FOXN3: variants seen among roughly 807,000 people sequenced by gnomAD.
FOXN3 encodes forkhead box N3.
A neutral mutation model predicts 38.4 loss-of-function variants in FOXN3; 7 were observed. The observed-to-expected ratio is 0.18, with a 90% CI of 0.10 to 0.34. The LOEUF is 0.34. FOXN3 is among the 10% of genes least tolerant of loss of function. The pLI is 1.00. For missense variants in FOXN3, 456 were observed against 613.4 expected, an observed-to-expected ratio of 0.74 and a Z score of 2.71; for synonymous variants, 230 against 242.2, an observed-to-expected ratio of 0.95 and a Z score of 0.47.
chr14:89,283,794 T>C (rs1886533067), intron 3 of FOXN3, among the ~76,000 whole-genome samples: 1 of 152,206 alleles, frequency 6.6e-6, no homozygotes, highest in Non-Finnish European at 1.5e-5. Flanking sequence ...TTACTGAGCA[T>C]AGTAATCAAC....
chr14:89,497,788 T>C (rs1475154234), intron 1 of FOXN3, among the ~76,000 whole-genome samples: 1 of 152,202 alleles, frequency 6.6e-6, no homozygotes, highest in East Asian at 1.9e-4. Context: ...ATGGTAATTT[T>C]ATATTAATTT....
At chr14:89,458,973 A>C (rs1223285478) in intron 1 of FOXN3, among the ~76,000 whole-genome samples, 1 of 152,238 alleles carries the variant, frequency 6.6e-6, no homozygotes, top group Non-Finnish European at 1.5e-5. Flanking sequence ...AACAGACTAG[A>C]AAAAGTAATT....
At chr14:89,567,680 T>G (rs1895390255) in intron 1 of FOXN3, among the ~76,000 whole-genome samples, 1 of 151,854 alleles carries the variant, frequency 6.6e-6, no homozygotes, top group African/African-American at 2.4e-5. Context: ...AGTTACCTAT[T>G]AGCTTCAAAG....
intron 4 of FOXN3, among the ~76,000 whole-genome samples, chr14:89,188,586 C>T (rs1394012171): frequency 1.3e-5 from 2 of 152,232 alleles, no homozygotes; most frequent in African/African-American, 2.4e-5. Flanking sequence ...CATATAGCCT[C>T]TTCTAGCAGA....
At chr14:89,605,187 A>C (rs1896245497) in intron 1 of FOXN3, among the ~76,000 whole-genome samples, 1 of 152,162 alleles carries the variant, frequency 6.6e-6, no homozygotes, top group Non-Finnish European at 1.5e-5. Context: ...CAAAAAAAAC[A>C]AGATAAAACT....
rs1420703775 is a variant in FOXN3, at chr14:89,433,342, C to T, written c.-14-20852G>A. On this transcript the variant is annotated intron_variant, in intron 1 of 6. Transcript: ENST00000345097. ...ACTAAAAATACAAAAATTAGTTGGG[C>T]GTGGTGGTGCGGGCTTGTAGTCCCA... Among the ~76,000 whole-genome samples, 5 of 152,170 alleles carry T rather than the reference C, an allele frequency of 3.3e-5. No homozygotes were observed. The East Asian group carries it at 5.8e-4, about 18-fold the overall frequency.
chr14:89,613,555 G>A (rs1314680132), intron 1 of FOXN3, among the ~76,000 whole-genome samples: 5 of 152,146 alleles, frequency 3.3e-5, no homozygotes, highest in Non-Finnish European at 7.3e-5. Flanking sequence ...TCATTTCATC[G>A]TTACCACAGC....
In FOXN3 at chr14:89,524,509, AAATC is replaced by A. The variant is rs1894397644; in HGVS notation, c.-15+94515_-15+94518del. Among the ~76,000 whole-genome samples, 4 of 151,204 alleles carry A rather than the reference AAATC, an allele frequency of 2.6e-5. No homozygotes were observed. The South Asian group carries it at 8.4e-4, about 32-fold the overall frequency. On this transcript the variant is annotated intron_variant, in intron 1 of 6. Coordinates refer to the FOXN3 transcript ENST00000345097. ...ATAAAACAAACAAAATTAGGGAAAA[AAATC>A]AAATAAAAACAAAAGCTGGTTCCTT... is the stretch of plus-strand genomic sequence containing the variant.
intron 4 of FOXN3, among the ~76,000 whole-genome samples, chr14:89,218,810 T>A (rs60356184): frequency 4.0e-4 from 61 of 152,294 alleles, no homozygotes; most frequent in African/African-American, 1.5e-3. Context: ...ATCTGTGAAA[T>A]GAGAGGTCTG....
intron 5 of FOXN3, among the ~76,000 whole-genome samples, chr14:89,167,146 C>T (rs1386756666): frequency 2.6e-5 from 4 of 152,228 alleles, no homozygotes. Context: ...CTATTCATCT[C>T]AGATAAAACC....
intron 1 of FOXN3, among the ~76,000 whole-genome samples, chr14:89,451,181 T>C (rs1367047736): frequency 6.6e-6 from 1 of 152,116 alleles, no homozygotes; most frequent in Non-Finnish European, 1.5e-5. Flanking sequence ...ATACCCCAAA[T>C]CAGACATACC....
rs759854995 is a variant in FOXN3, at chr14:89,360,762, A to T, written c.544-9954T>A. Among the ~76,000 whole-genome samples the T allele has an allele frequency of 7.0e-3, 428 of 60,736 alleles. 13 individuals carry two copies. Among genetic ancestry groups the T allele is most frequent in the Middle Eastern group, 0.034 (4 of 118 alleles). 39.8% of individuals were successfully genotyped at this position (60,736 alleles called of 152,430 possible). The stretch of plus-strand genomic sequence containing the variant: ...CAGCACCACCTCCACCACCACCTCC[A>T]CCACTACCACCTCCACCACCACCTC... On this transcript the variant is annotated intron_variant, in intron 2 of 5. Coordinates refer to ENST00000557258, the MANE Select transcript of FOXN3 (RefSeq NM_005197.4).
intron 3 of FOXN3, among the ~76,000 whole-genome samples, chr14:89,328,822 T>C (rs1262544499): frequency 6.6e-6 from 1 of 152,164 alleles, no homozygotes; most frequent in Non-Finnish European, 1.5e-5. Flanking sequence ...GGGTAGAGCT[T>C]GACAGGTGAT....
At chr14:89,391,830 C>A (rs1323238769) in intron 2 of FOXN3, among the ~76,000 whole-genome samples, 1 of 152,112 alleles carries the variant, frequency 6.6e-6, no homozygotes, top group Non-Finnish European at 1.5e-5. Flanking sequence ...CATGGCCAAA[C>A]CCCATCTCTA....
intron 1 of FOXN3, among the ~76,000 whole-genome samples, chr14:89,494,813 G>T (rs1893645901): frequency 6.6e-6 from 1 of 152,172 alleles, no homozygotes; most frequent in Non-Finnish European, 1.5e-5. Flanking sequence ...TCCCCACTTG[G>T]TCTTTATTCC....
At chr14:89,516,121 C>A (rs538902989) in intron 1 of FOXN3, among the ~76,000 whole-genome samples, 1 of 145,068 alleles carries the variant, frequency 6.9e-6, no homozygotes, top group Non-Finnish European at 1.6e-5. Context: ...GGGGAGGCAG[C>A]GTACACAGCA....
intron 5 of FOXN3, among the ~76,000 whole-genome samples, chr14:89,167,019 A>T (rs1887260439): frequency 6.6e-6 from 1 of 152,208 alleles, no homozygotes; most frequent in Non-Finnish European, 1.5e-5. Context: ...AATGCCTGCA[A>T]TTTTTCAGTT....
intron 4 of FOXN3, among the ~76,000 whole-genome samples, chr14:89,270,388 G>C (rs1046434284): frequency 1.3e-5 from 2 of 152,218 alleles, no homozygotes; most frequent in East Asian, 1.9e-4. Flanking sequence ...TTGCAGAAAT[G>C]CTATCATAAG....
At chr14:89,222,045 T>C (rs1289564240) in intron 4 of FOXN3, among the ~76,000 whole-genome samples, 1 of 152,092 alleles carries the variant, frequency 6.6e-6, no homozygotes, top group African/African-American at 2.4e-5. Context: ...GATAGTCTCC[T>C]GACCTCGTGA....
Sources: allele counts gnomAD v4.1 joint callset (sites outside exome capture counted in the v4.1 genomes callset), GRCh38; gene constraint gnomAD v4.1.1; transcripts MANE v1.5; gene names NCBI Gene and HGNC (gene_info 2026-07-23, HGNC 2026-07-21).